The following SRPRB variants were observed in gnomAD, a reference collection of about 807,000 sequenced individuals.
SRPRB encodes SRP receptor subunit beta, also known as signal recognition particle receptor subunit beta.
In SRPRB, 20 loss-of-function variants were observed where a neutral mutation model predicts 31.9. The observed-to-expected ratio is 0.63, with a 90% CI of 0.44 to 0.91. The LOEUF (loss-of-function observed/expected upper bound fraction) is 0.91. Ranked by LOEUF, SRPRB falls within the 40% of genes least tolerant of loss-of-function variation. The probability of loss-of-function intolerance (pLI) is 0.00; values close to 1 mark genes in which losing one functional copy is unlikely to be tolerated. For missense variants in SRPRB, 321 were observed against 324.9 expected (o/e 0.99, Z 0.09); for synonymous variants, 146 against 132.8 (o/e 1.10, Z -0.68).
At chr3:133,811,743 C>T (rs1225707199) in intron 4 of SRPRB, among the ~76,000 whole-genome samples, 1 of 151,896 alleles carries the variant, frequency 6.6e-6, no homozygotes, top group Non-Finnish European at 1.5e-5. Context: ...CCACCACACC[C>T]TGCTAATTTT....
upstream of SRPRB, chr3:133,805,760 C>T: frequency 6.7e-7 from 1 of 1,486,606 alleles, no homozygotes; most frequent in Non-Finnish European, 9.0e-7. Flanking sequence ...GCTTAGGAAC[C>T]ACCATTCGCG....
At chr3:133,792,239 T>C (rs913828494) in intron 1 of SRPRB, 1 of 152,196 alleles carries the variant, frequency 6.6e-6, no homozygotes, top group African/African-American at 2.4e-5. Flanking sequence ...TCTTATATCG[T>C]AAATTCGTGT....
At chr3:133,794,305 A>G (rs947759349) in intron 1 of SRPRB, 1 of 152,224 alleles carries the variant, frequency 6.6e-6, no homozygotes, top group African/African-American at 2.4e-5. Flanking sequence ...TTTATAACCA[A>G]TGTTTGGTCC....
rs1559894454 is a variant in SRPRB at position 133,821,020 on chromosome 3, A to G, written c.*1254A>G. 6.6e-6 allele frequency: 1 copy of G among 152,578 alleles called. No homozygotes were observed. Among genetic ancestry groups the G allele is most frequent in the Non-Finnish European group, 1.5e-5 (1 of 68,362 alleles). The allele number at this position is 152,578 out of a possible 1,614,324, so 9.5% of individuals were successfully genotyped here. A position where few individuals can be genotyped will look rare whatever the true frequency, so the allele number is the denominator to read the frequency against. Reference sequence around the variant, plus strand: ...GGAGAGGCCCACAGTTCTCTGGAGCATGCAGCAGGGGCACCCCACCTGGCC... The same window carrying G: ...GGAGAGGCCCACAGTTCTCTGGAGCGTGCAGCAGGGGCACCCCACCTGGCC... On this transcript the variant is annotated 3_prime_UTR_variant, in exon 7 of 7. Coordinates refer to ENST00000678299, the MANE Select transcript of SRPRB (RefSeq NM_001379313.1).
chr3:133,804,268 C>A (rs1009547977), upstream of SRPRB, among the ~76,000 whole-genome samples: 1 of 151,974 alleles, frequency 6.6e-6, no homozygotes, highest in Non-Finnish European at 1.5e-5. Context: ...CAGTTCCTCT[C>A]TTTTTCCTTG....
downstream of SRPRB, chr3:133,828,275 T>A (rs1935604107): frequency 4.5e-6 from 2 of 446,056 alleles, no homozygotes; most frequent in Non-Finnish European, 8.0e-6. Flanking sequence ...GCCTAGAGAG[T>A]GGGGCCAGAT....
At chr3:133,786,606 G>A (rs1934693809) in intron 1 of SRPRB, 1 of 152,254 alleles carries the variant, frequency 6.6e-6, no homozygotes, top group African/African-American at 2.4e-5. Flanking sequence ...GAGGTTGCTA[G>A]TGTATGACAA....
intron 6 of SRPRB, among the ~76,000 whole-genome samples, chr3:133,817,927 G>A (rs538176037): frequency 1.1e-4 from 17 of 152,278 alleles, no homozygotes; most frequent in African/African-American, 3.9e-4. Context: ...AGAGTAAATC[G>A]ACATTTTTAA....
At chr3:133,791,390 T>C (rs1934827214) in intron 1 of SRPRB, 1 of 152,168 alleles carries the variant, frequency 6.6e-6, no homozygotes, top group South Asian at 2.1e-4. Context: ...GCAGGGTTCC[T>C]AGGGCTGCTT....
upstream of SRPRB, among the ~76,000 whole-genome samples, chr3:133,803,338 A>G (rs1311621137): frequency 6.6e-6 from 1 of 152,216 alleles, no homozygotes; most frequent in African/African-American, 2.4e-5. Flanking sequence ...GTTCCTCAAC[A>G]TAGCACAGAA....
At chr3:133,827,931 C>T (rs1326729974), downstream of SRPRB, 1 of 702,990 alleles carries the variant, frequency 1.4e-6, no homozygotes, top group East Asian at 2.7e-5. Context: ...CAGAAGTACA[C>T]ATGGCACCCC....
chr3:133,825,043 T>A (rs189690332), downstream of SRPRB: 4 of 152,314 alleles, frequency 2.6e-5, no homozygotes, highest in African/African-American at 9.6e-5. Flanking sequence ...TCACATTCTT[T>A]GGGGAGAGGC....
Position 133,797,241 on chromosome 3 carries a change from T to C in SRPRB, c.-173-8435T>C, listed in dbSNP as rs1208709663. On this transcript the variant is annotated intron_variant, in intron 1 of 7. Coordinates refer to the SRPRB transcript ENST00000466490. ...CATTGAGTACACTTTGTGTTAAAAA[T>C]TCATAGGAAAGATTGTTCTTAAAAA... is the stretch of plus-strand genomic sequence containing the variant. Among the ~76,000 whole-genome samples, 3 of 152,328 alleles carry C rather than the reference T, an allele frequency of 2.0e-5. No homozygotes were observed. In the East Asian group the frequency reaches 5.8e-4, roughly 29 times the overall value.
At chr3:133,800,476 T>C (rs1255330846) in intron 1 of SRPRB, among the ~76,000 whole-genome samples, 1 of 152,144 alleles carries the variant, frequency 6.6e-6, no homozygotes, top group Non-Finnish European at 1.5e-5. Flanking sequence ...CTTCCATCCT[T>C]TAAGGGACTG....
intron 1 of SRPRB, chr3:133,792,582 A>G (rs1357076376): frequency 6.6e-6 from 1 of 152,216 alleles, no homozygotes; most frequent in African/African-American, 2.4e-5. Context: ...CAAAGTTTTC[A>G]CCAAAAGTAA....
intron 1 of SRPRB, chr3:133,794,652 C>T (rs1479923640): frequency 6.6e-6 from 1 of 152,244 alleles, no homozygotes; most frequent in East Asian, 1.9e-4. Context: ...ACTTTGGGTT[C>T]ATGATCTCAC....
At chr3:133,784,288 T>TA (rs1397427170) in intron 1 of SRPRB, 1 of 152,074 alleles carries the variant, frequency 6.6e-6, no homozygotes, top group African/African-American at 2.4e-5. Context: ...CACCACCCTT[T>TA]AGGAAGATTA....
intron 1 of SRPRB, among the ~76,000 whole-genome samples, chr3:133,799,614 GCT>G (rs1356013162): frequency 2.0e-5 from 3 of 152,044 alleles, no homozygotes; most frequent in Admixed American, 6.6e-5. Context: ...TTTTCAAGTG[GCT>G]CTCGGGGAGA....
chr3:133,803,178 GT>G (rs891797464), upstream of SRPRB, among the ~76,000 whole-genome samples: 5 of 149,616 alleles, frequency 3.3e-5, no homozygotes, highest in East Asian at 2.0e-4. Flanking sequence ...TCTGTCTGAA[GT>G]TTTTTTTTTC....
Sources: gnomAD v4.1 joint callset for allele counts (sites outside exome capture counted in the v4.1 genomes callset) on GRCh38, gnomAD v4.1.1 for gene constraint, MANE v1.5 for transcripts, NCBI Gene and HGNC (gene_info 2026-07-23, HGNC 2026-07-21) for gene names.